The following FANCA variants were observed in gnomAD, a reference collection of about 807,000 sequenced individuals.
FANCA encodes the protein Fanconi anemia group A protein.
A neutral mutation model predicts 194.3 loss-of-function variants in FANCA; 236 were observed. That is an observed-to-expected ratio of 1.21 (90% CI 1.09 to 1.35). The LOEUF (loss-of-function observed/expected upper bound fraction) is 1.35, where lower values mean the gene tolerates loss of function less well. Ranked by LOEUF, FANCA falls within the 40% of genes most tolerant of loss-of-function variation. The probability of loss-of-function intolerance (pLI) is 0.00; values close to 1 mark genes in which losing one functional copy is unlikely to be tolerated. For missense variants in FANCA, 2,628 were observed against 1,813.9 expected (o/e 1.45, Z -8.15); for synonymous variants, 1,014 against 715.8 (o/e 1.42, Z -6.65).
chr16:89,737,612 C>A lies in FANCA; in HGVS notation c.*989G>T. The A allele has an allele frequency of 9.4e-7, 1 of 1,064,744 alleles. No individual in the cohort carries two copies. The highest frequency in any genetic ancestry group is 1.3e-6 in the Non-Finnish European group (1 of 766,946). The allele number at this position is 1,064,744 out of a possible 1,614,324, so 66.0% of individuals were successfully genotyped here. ...CCTGAAATGCACACAGCTGATGAAG[C>A]CACGTGACAGTGTATAAAGCAGTTT... On this transcript the variant is annotated 3_prime_UTR_variant, in exon 43 of 43. Transcript: ENST00000389301.
intron 35 of FANCA, 44 bp from the exon 36 acceptor site, chr16:89,745,115 G>A (rs1345235314): frequency 6.6e-7 from 1 of 1,515,682 alleles, no homozygotes; most frequent in Non-Finnish European, 8.9e-7. Flanking sequence ...GGCTGAGATG[G>A]ACACACCTCC....
intron 14 of FANCA, among the ~76,000 whole-genome samples, chr16:89,786,428 T>G (rs1042183203): frequency 6.6e-6 from 1 of 152,104 alleles, no homozygotes; most frequent in African/African-American, 2.4e-5. Flanking sequence ...GGTGATACCT[T>G]GGCCTCCCAA....
chr16:89,810,485 A>G (rs1199865093), intron 5 of FANCA: 1 of 550,684 alleles, frequency 1.8e-6, no homozygotes. Context: ...TTCTAGTCTA[A>G]TAAATATTAC....
At chr16:89,809,520 C>G (rs1214253159) in intron 5 of FANCA, among the ~76,000 whole-genome samples, 2 of 152,034 alleles carry the variant, frequency 1.3e-5, no homozygotes, top group Non-Finnish European at 2.9e-5. Flanking sequence ...TGAAGACCAG[C>G]CTGGCCAACA....
chr16:89,790,846 T>C (rs2143520260), intron 14 of FANCA, among the ~76,000 whole-genome samples: 1 of 152,130 alleles, frequency 6.6e-6, no homozygotes, highest in African/African-American at 2.4e-5. Context: ...TTTTTTCTTT[T>C]TGGGATGGAG....
intron 21 of FANCA, 116 bp from the exon 22 acceptor site, chr16:89,773,500 G>C (rs1374646697): frequency 1.3e-6 from 1 of 773,814 alleles, no homozygotes; most frequent in East Asian, 2.7e-5. Flanking sequence ...TGCTGTGTGT[G>C]GCAGACGGAG....
intron 37 of FANCA, among the ~76,000 whole-genome samples, chr16:89,741,451 A>C (rs2062131802): frequency 1.3e-5 from 2 of 152,206 alleles, no homozygotes; most frequent in Non-Finnish European, 2.9e-5. Context: ...TTGTGTGCTG[A>C]CATGGCACCT....
intron 14 of FANCA, among the ~76,000 whole-genome samples, chr16:89,789,826 G>T (rs1383331753): frequency 6.6e-6 from 1 of 152,134 alleles, no homozygotes; most frequent in African/African-American, 2.4e-5. Context: ...GTCCTTCAAA[G>T]CTGATATCTC....
At chr16:89,811,943 G>C (rs1003940105) in intron 3 of FANCA, among the ~76,000 whole-genome samples, 36 of 151,036 alleles carry the variant, frequency 2.4e-4, no homozygotes, top group Non-Finnish European at 4.7e-4. Context: ...TGTTGGCTAG[G>C]CTCGTCTCCA....
chr16:89,760,922 C>G (rs2239358), intron 29 of FANCA, among the ~76,000 whole-genome samples: 9,103 of 152,220 alleles, frequency 0.06, 423 homozygotes, highest in East Asian at 0.22. Flanking sequence ...AGCTCCCGGA[C>G]AGCAGCCATA....
chr16:89,791,726 G>C (rs1374691616), intron 13 of FANCA, 190 bp from the exon 14 acceptor site: 8 of 964,838 alleles, frequency 8.3e-6, no homozygotes, highest in Non-Finnish European at 1.3e-5. Flanking sequence ...AGCAGCAGTG[G>C]ACACTCTGGC....
intron 1 of FANCA, 59 bp downstream of exon 1, chr16:89,816,478 C>A: frequency 7.1e-7 from 1 of 1,403,314 alleles, no homozygotes; most frequent in South Asian, 1.4e-5. Context: ...ATCGGGGAAC[C>A]GGCGAAACCG....
Position 89,738,154 on chromosome 16 carries a change from A to G in FANCA, c.*447T>C, listed in dbSNP as rs771942409. 19 of 1,613,482 alleles carry G rather than the reference A, an allele frequency of 1.2e-5. No homozygotes were observed. In the Admixed American group the frequency reaches 3.2e-4, roughly 27 times the overall value. On this transcript the variant is annotated 3_prime_UTR_variant, in exon 43 of 43. Transcript: ENST00000389301. ...GCACCCGCTGACACAGACCCAGGAC[A>G]AGGCCCTGCCCCTGGAGGCGGAACC...
intron 26 of FANCA, among the ~76,000 whole-genome samples, chr16:89,767,866 A>T (rs2039185625): frequency 1.3e-5 from 2 of 152,022 alleles, no homozygotes; most frequent in Non-Finnish European, 2.9e-5. Flanking sequence ...AATTTTTTTT[A>T]GTAGAGACGG....
chr16:89,777,710 C>G (rs1484833161), intron 20 of FANCA, among the ~76,000 whole-genome samples: 1 of 152,066 alleles, frequency 6.6e-6, no homozygotes, highest in Non-Finnish European at 1.5e-5. Context: ...TACTAGAAAC[C>G]TGCAATGTAA....
intron 11 of FANCA, among the ~76,000 whole-genome samples, chr16:89,794,093 T>A (rs577871830): frequency 1.3e-5 from 2 of 151,688 alleles, no homozygotes; most frequent in Non-Finnish European, 2.9e-5. Flanking sequence ...CAGATCTTAA[T>A]ATGTACTTTT....
rs1057480360 is a variant in FANCA at position 89,738,516 on chromosome 16, C to G, written c.*85G>C. 1.1e-5 allele frequency: 18 copies of G among 1,596,098 alleles called. No individual in the cohort carries two copies. The highest frequency in any genetic ancestry group is 4.0e-5 in the African/African-American group (3 of 74,540). Reference sequence around the variant, plus strand: ...AGCAGTCGAGGAGATTTGTAATCCACTTTTTAGTGCAACAAGAGCTCCATG... The same window carrying G: ...AGCAGTCGAGGAGATTTGTAATCCAGTTTTTAGTGCAACAAGAGCTCCATG... On this transcript the variant is annotated 3_prime_UTR_variant, in exon 43 of 43. Coordinates refer to ENST00000389301, the MANE Select transcript of FANCA (RefSeq NM_000135.4).
At chr16:89,797,763 T>A (rs1337012391) in intron 10 of FANCA, among the ~76,000 whole-genome samples, 1 of 151,906 alleles carries the variant, frequency 6.6e-6, no homozygotes, top group Non-Finnish European at 1.5e-5. Context: ...GGTGTGGTGG[T>A]GCATGCCTGT....
At chr16:89,784,021 AAAGT>A (rs533805696) in intron 15 of FANCA, among the ~76,000 whole-genome samples, 6 of 152,118 alleles carry the variant, frequency 3.9e-5, no homozygotes, top group African/African-American at 1.2e-4. Flanking sequence ...TCAGCCTCCA[AAAGT>A]GCTGGGTTAC....
Sources: gnomAD v4.1 joint callset for allele counts (sites outside exome capture counted in the v4.1 genomes callset) on GRCh38, gnomAD v4.1.1 for gene constraint, MANE v1.5 for transcripts, NCBI Gene and HGNC (gene_info 2026-07-23, HGNC 2026-07-21) for gene names.